Variants in CFAP44 observed in about 807,000 individuals in gnomAD.
CFAP44 encodes cilia and flagella associated protein 44.
A neutral mutation model predicts 216.2 loss-of-function variants in CFAP44; 134 were observed. That is an observed-to-expected ratio of 0.62 (90% CI 0.54 to 0.72). The LOEUF is 0.72. CFAP44 is among the 30% of genes least tolerant of loss of function. The probability of loss-of-function intolerance (pLI) is 0.00; values close to 1 mark genes in which losing one functional copy is unlikely to be tolerated. For synonymous variants in CFAP44, 700 were observed against 727.6 expected (o/e 0.96, Z 0.61); for missense variants, 2,035 against 2,182.1 (o/e 0.93, Z 1.34).
chr3:113,347,491 C>T (rs1950396806), intron 22 of CFAP44, among the ~76,000 whole-genome samples: 1 of 152,162 alleles, frequency 6.6e-6, no homozygotes, highest in South Asian at 2.1e-4. Flanking sequence ...CTAAAAACTA[C>T]CCCGTCTCTG....
At chr3:113,426,828 G>T (rs576396245) in intron 3 of CFAP44, 2 of 221,676 alleles carry the variant, frequency 9.0e-6, no homozygotes, top group Non-Finnish European at 1.7e-5. Flanking sequence ...TTATGCCCAC[G>T]TGCATCAGGA....
rs764753484 is a variant in CFAP44 at position 113,409,063 on chromosome 3, T to G, written c.890+43A>C. 2 of 906,662 alleles carry G rather than the reference T, an allele frequency of 2.2e-6. 1 individual carries two copies. The highest frequency in any genetic ancestry group is 3.3e-6 in the Non-Finnish European group (2 of 600,626). 56.2% of individuals were successfully genotyped at this position (906,662 alleles called of 1,614,324 possible). A position where few individuals can be genotyped will look rare whatever the true frequency, so the allele number is the denominator to read the frequency against. The stretch of plus-strand genomic sequence containing the variant: ...CTCTTAGATCCTCTTAGAAAAATAC[T>G]CCTGTGATATCTACTGGCACCTCTA... On this transcript the variant is annotated intron_variant, in intron 7 of 34. Transcript: ENST00000393845.
intron 28 of CFAP44, among the ~76,000 whole-genome samples, chr3:113,319,155 G>C (rs1287991089): frequency 6.6e-6 from 1 of 151,990 alleles, no homozygotes; most frequent in East Asian, 1.9e-4. Context: ...TGGATAAAAA[G>C]ACAAGAACCA....
intron 15 of CFAP44, among the ~76,000 whole-genome samples, chr3:113,388,682 A>C (rs1005061540): frequency 6.6e-6 from 1 of 152,236 alleles, no homozygotes; most frequent in African/African-American, 2.4e-5. Flanking sequence ...TATAGACTGA[A>C]AGTAAAGGAA....
At position 113,363,273 on chromosome 3, in the gene CFAP44, T is replaced by G; in HGVS notation, c.2806A>C (p.Lys936Gln). The G allele has an allele frequency of 1.2e-6, 2 of 1,612,306 alleles. No homozygotes were observed. Among genetic ancestry groups the G allele is most frequent in the Middle Eastern group, 1.7e-4 (1 of 6,056 alleles). The change falls in exon 21 of 35, where the codon AAG becomes CAG. Residue 936 changes from lysine to glutamine, a missense_variant. Coordinates refer to ENST00000393845, the MANE Select transcript of CFAP44 (RefSeq NM_001164496.2). ...ENARRKREHD[K>Q]LMKEVGEIKA... ...ATTTCTCCCACTTCTTTCATTAACT[T>G]GTCATGTTCTCTTTTTCTCCTAGCA...
intron 16 of CFAP44, 86 bp downstream of exon 16, chr3:113,380,813 G>A (rs1024856158): frequency 2.6e-6 from 3 of 1,133,616 alleles, no homozygotes; most frequent in Non-Finnish European, 3.5e-6. Context: ...ATTCTTTTGT[G>A]TATTCCATCA....
chr3:113,385,710 G>C (rs1933632399), intron 15 of CFAP44, among the ~76,000 whole-genome samples: 1 of 152,008 alleles, frequency 6.6e-6, no homozygotes, highest in Non-Finnish European at 1.5e-5. Flanking sequence ...TGTGACCTCA[G>C]CTCACTGAAA....
At chr3:113,433,736 T>C (rs1935168235) in intron 1 of CFAP44, 67 bp from the exon 2 acceptor site, 1 of 1,244,906 alleles carries the variant, frequency 8.0e-7, no homozygotes, top group African/African-American at 1.5e-5. Context: ...GATTTCCCCC[T>C]AACATATTTC....
In CFAP44 at chr3:113,296,791, A is replaced by G. The variant is rs1346679174; in HGVS notation, c.5172T>C (p.Leu1724=). 1 of 1,537,668 alleles carries G rather than the reference A, an allele frequency of 6.5e-7. No homozygotes were observed. Among genetic ancestry groups the G allele is most frequent in the Non-Finnish European group, 8.7e-7 (1 of 1,147,042 alleles). ...ALQTLSVNTT[L]EELKIRKLRK... ...GAAGTTTTCTGATCTTCAGTTCTTC[A>G]AGTGTTGTATTAACAGAAAGCGTTT... The change falls in exon 33 of 35, where the codon CTT becomes CTC. Residue 1724 remains leucine, a synonymous_variant. Coordinates refer to ENST00000393845, the MANE Select transcript of CFAP44 (RefSeq NM_001164496.2).
intron 28 of CFAP44, among the ~76,000 whole-genome samples, chr3:113,325,858 T>G (rs1004458666): frequency 6.6e-6 from 1 of 152,184 alleles, no homozygotes; most frequent in African/African-American, 2.4e-5. Context: ...GTGAAAATAT[T>G]GACACATAGA....
intron 17 of CFAP44, among the ~76,000 whole-genome samples, chr3:113,376,272 A>G (rs1933341813): frequency 6.6e-6 from 1 of 152,218 alleles, no homozygotes; most frequent in Non-Finnish European, 1.5e-5. Flanking sequence ...TGGGACATGT[A>G]TGGTTTAAAA....
intron 31 of CFAP44, among the ~76,000 whole-genome samples, chr3:113,304,561 C>T (rs112805696): frequency 2.6e-5 from 4 of 152,052 alleles, no homozygotes; most frequent in Non-Finnish European, 4.4e-5. Context: ...TGTATTCCTG[C>T]AATTTAATAT....
At chr3:113,356,341 C>T (rs992763455) in intron 22 of CFAP44, among the ~76,000 whole-genome samples, 1 of 151,542 alleles carries the variant, frequency 6.6e-6, no homozygotes, top group Non-Finnish European at 1.5e-5. Context: ...CATGTAATTC[C>T]AATACAAATT....
chr3:113,306,054 T>G, intron 30 of CFAP44, 147 bp downstream of exon 30: 1 of 980,528 alleles, frequency 1.0e-6, no homozygotes, highest in South Asian at 2.0e-5. Flanking sequence ...CCCACCACAA[T>G]TTAGGGAGAA....
intron 28 of CFAP44, among the ~76,000 whole-genome samples, chr3:113,324,298 C>A (rs1184005354): frequency 6.6e-6 from 1 of 151,824 alleles, no homozygotes; most frequent in African/African-American, 2.4e-5. Flanking sequence ...TAAAACCAGA[C>A]AAAGACAGTA....
In CFAP44 at chr3:113,420,105, G is replaced by C. The variant is rs546288597; in HGVS notation, c.482C>G (p.Ala161Gly). Residue 161 changes from alanine (A) to glycine (G), a missense_variant, in exon 5 of 35, where the codon GCT becomes GGT. By Grantham distance (60) the Ala-to-Gly change is moderately conservative. This residue lies in a region of CFAP44 where 1,883 missense variants were observed against 2,023.7 expected (regional missense o/e 0.93). Transcript: ENST00000393845. ...LLDDSIAIYIAGNQLIFLNLK... is the reference protein window; with the variant it reads ...LLDDSIAIYIGGNQLIFLNLK... ...ATTCAGAAAGATCAGTTGGTTCCCA[G>C]CTATGTATATGGCGATACTGTCGTC... 1 of 1,614,018 alleles carries C rather than the reference G, an allele frequency of 6.2e-7. No homozygotes were observed. The highest frequency in any genetic ancestry group is 2.2e-5 in the East Asian group (1 of 44,878).
rs1295544179 is a variant in CFAP44 at position 113,330,177 on chromosome 3, C to A, written c.4107G>T (p.Leu1369Phe). The change falls in exon 26 of 35, where the codon TTG becomes TTT. Residue 1369 changes from leucine to phenylalanine, a missense_variant. By Grantham distance (22) the Leu-to-Phe change is conservative. Coordinates refer to ENST00000393845, the MANE Select transcript of CFAP44 (RefSeq NM_001164496.2). ...EIKHVYMQQY[L>F]VNRIKELVVT... Reference sequence around the variant, plus strand: ...CAGGTTCACCCCTTACCCTGTTGACCAAATACTGTTGCATGTACACGTGTT... The same window carrying A: ...CAGGTTCACCCCTTACCCTGTTGACAAAATACTGTTGCATGTACACGTGTT... 13 of 1,532,444 alleles carry A rather than the reference C, an allele frequency of 8.5e-6. No homozygotes were observed. Among genetic ancestry groups the A allele is most frequent in the Non-Finnish European group, 1.1e-5 (13 of 1,143,822 alleles). The allele number at this position is 1,532,444 out of a possible 1,614,324, so 94.9% of individuals were successfully genotyped here.
In CFAP44 at chr3:113,317,602, G is replaced by A. The variant is rs180979053; in HGVS notation, c.4516+8843C>T. Among the ~76,000 whole-genome samples the A allele has an allele frequency of 1.9e-3, 290 of 152,304 alleles. 2 individuals carry two copies. Among genetic ancestry groups the A allele is most frequent in the African/African-American group, 5.7e-3 (238 of 41,560 alleles). On this transcript the variant is annotated intron_variant, in intron 28 of 34. Coordinates refer to ENST00000393845, the MANE Select transcript of CFAP44 (RefSeq NM_001164496.2). ...CCCAGTGCAGCTGGAACCTGACCCT[G>A]ACCCTGAATCTCAAGATATCCCAGT...
At chr3:113,342,679 A>G (rs1352528762) in intron 23 of CFAP44, among the ~76,000 whole-genome samples, 1 of 152,136 alleles carries the variant, frequency 6.6e-6, no homozygotes, top group Non-Finnish European at 1.5e-5. Flanking sequence ...AAACACAATC[A>G]AATAAATAAT....
Sources: allele counts gnomAD v4.1 joint callset (sites outside exome capture counted in the v4.1 genomes callset), GRCh38; gene constraint gnomAD v4.1.1; regional missense constraint gnomAD v4.1.1; transcripts MANE v1.5; gene names NCBI Gene and HGNC (gene_info 2026-07-23, HGNC 2026-07-21).